KLF12: variants seen among roughly 807,000 people sequenced by gnomAD.
KLF12 encodes the protein Krueppel-like factor 12.
KLF12 carries 9 observed loss-of-function variants against 37.8 expected under a neutral mutation model. The observed-to-expected ratio is 0.24, with a 90% confidence interval of 0.14 to 0.42. The LOEUF (loss-of-function observed/expected upper bound fraction) is 0.42, where lower values mean the gene tolerates loss of function less well. Among genes scored for constraint, KLF12 ranks in the 10% least tolerant of loss-of-function variants. The pLI, the probability that KLF12 is intolerant of heterozygous loss-of-function variation, is 1.00. For missense variants in KLF12, 411 were observed against 516.0 expected (o/e 0.80, Z 1.97); for synonymous variants, 208 against 202.1 (o/e 1.03, Z -0.25).
At chr13:74,058,481 G>A (rs1175281312) in intron 1 of KLF12, among the ~76,000 whole-genome samples, 5 of 146,974 alleles carry the variant, frequency 3.4e-5, no homozygotes, top group East Asian at 2.1e-4. Context: ...TCAGCCTCCC[G>A]AGTAGCTGGG....
At chr13:74,125,145 A>AAAAT (rs1877862151) in intron 1 of KLF12, among the ~76,000 whole-genome samples, 1 of 10,826 alleles carries the variant, frequency 9.2e-5, no homozygotes, top group East Asian at 0.038. Context: ...ACTCCGTTTC[A>AAAAT]AAAAAAAAAA....
chr13:73,909,871 C>A (rs1179933572), intron 3 of KLF12, among the ~76,000 whole-genome samples: 6 of 152,122 alleles, frequency 3.9e-5, no homozygotes, highest in Non-Finnish European at 7.4e-5. Flanking sequence ...ATCTACTATT[C>A]CAAGAATCCT....
intron 2 of KLF12, among the ~76,000 whole-genome samples, chr13:73,989,279 ACTGGGAG>A (rs1205908918): frequency 6.6e-6 from 1 of 152,246 alleles, no homozygotes; most frequent in Non-Finnish European, 1.5e-5. Context: ...GTGAGAGGCA[ACTGGGAG>A]CTGACAAACA....
chr13:74,214,545 C>T, the KLF12 span, among the ~76,000 whole-genome samples: 5 of 152,072 alleles, frequency 3.3e-5, no homozygotes, highest in Non-Finnish European at 5.9e-5. Flanking sequence ...AGAATTTTAG[C>T]GTGAATAAAA....
intron 5 of KLF12, among the ~76,000 whole-genome samples, chr13:73,785,409 T>C (rs1881277715): frequency 6.6e-6 from 1 of 152,138 alleles, no homozygotes; most frequent in Non-Finnish European, 1.5e-5. Context: ...CCACAAAGCC[T>C]CGCCCATTTT....
the KLF12 span, among the ~76,000 whole-genome samples, chr13:74,229,125 A>G: frequency 6.6e-6 from 1 of 152,164 alleles, no homozygotes; most frequent in Non-Finnish European, 1.5e-5. Context: ...GTGAGTTGGG[A>G]TAGTACTGGA....
intron 5 of KLF12, among the ~76,000 whole-genome samples, chr13:73,773,074 A>G (rs960475258): frequency 8.5e-5 from 13 of 152,194 alleles, no homozygotes; most frequent in African/African-American, 3.1e-4. Flanking sequence ...TGGATTAAAA[A>G]AGAATACAAG....
chr13:74,291,027 A>AT, the KLF12 span, among the ~76,000 whole-genome samples: 6 of 152,156 alleles, frequency 3.9e-5, no homozygotes, highest in Admixed American at 1.3e-4. Flanking sequence ...TACAACAACA[A>AT]TTTTTTGCCC....
Position 73,826,013 on chromosome 13 carries a change from C to T in KLF12, c.671-12726G>A, listed in dbSNP as rs189331967. Reference sequence around the variant, plus strand: ...TTTGAGATGGAGTCTCGCTCTGTTGCCCAGGCTGGAGTGCATTGGGACGAT... The same window carrying T: ...TTTGAGATGGAGTCTCGCTCTGTTGTCCAGGCTGGAGTGCATTGGGACGAT... On this transcript the variant is annotated intron_variant, in intron 4 of 7. Coordinates refer to ENST00000377669, the MANE Select transcript of KLF12 (RefSeq NM_007249.5). Among the ~76,000 whole-genome samples, 367 of 151,968 alleles carry T rather than the reference C, an allele frequency of 2.4e-3. 3 individuals carry two copies. The highest frequency in any genetic ancestry group is 8.2e-3 in the African/African-American group (338 of 41,452).
the KLF12 span, among the ~76,000 whole-genome samples, chr13:74,280,062 C>T: frequency 6.6e-6 from 1 of 152,140 alleles, no homozygotes; most frequent in Admixed American, 6.5e-5. Flanking sequence ...CTTAGGGTTG[C>T]AAATGGGCTT....
At chr13:74,049,140 A>T (rs2138584857) in intron 1 of KLF12, among the ~76,000 whole-genome samples, 1 of 152,334 alleles carries the variant, frequency 6.6e-6, no homozygotes, top group Admixed American at 6.5e-5. Flanking sequence ...GAAGTCTAGC[A>T]GTTTATTGCT....
intron 3 of KLF12, among the ~76,000 whole-genome samples, chr13:73,918,193 C>A (rs1888938163): frequency 6.6e-6 from 1 of 152,144 alleles, no homozygotes. Flanking sequence ...AAGGAACCAG[C>A]TCAAAAGGGA....
At chr13:74,145,146 C>T in the KLF12 span, among the ~76,000 whole-genome samples, 1 of 152,030 alleles carries the variant, frequency 6.6e-6, no homozygotes. Flanking sequence ...TGGTACTGTC[C>T]TGCTGACCAC....
intron 1 of KLF12, among the ~76,000 whole-genome samples, chr13:74,037,665 A>C (rs1180420425): frequency 6.6e-6 from 1 of 152,298 alleles, no homozygotes; most frequent in Admixed American, 6.5e-5. Context: ...TGTGGTCTCT[A>C]AGTTCTGATT....
At chr13:74,070,400 G>A (rs1236812878) in intron 1 of KLF12, among the ~76,000 whole-genome samples, 1 of 152,218 alleles carries the variant, frequency 6.6e-6, no homozygotes, top group African/African-American at 2.4e-5. Flanking sequence ...ACTATGAAGT[G>A]GGGACAAGCT....
At chr13:74,061,831 G>A (rs1873612020) in intron 1 of KLF12, among the ~76,000 whole-genome samples, 1 of 152,124 alleles carries the variant, frequency 6.6e-6, no homozygotes, top group Non-Finnish European at 1.5e-5. Flanking sequence ...ATACCTTGAC[G>A]TTATATGATA....
intron 6 of KLF12, among the ~76,000 whole-genome samples, chr13:73,717,478 T>G (rs1283084406): frequency 6.6e-6 from 1 of 152,208 alleles, no homozygotes; most frequent in Non-Finnish European, 1.5e-5. Context: ...ATTGCTCCAG[T>G]GAATTTTTTC....
intron 6 of KLF12, among the ~76,000 whole-genome samples, chr13:73,744,765 G>T (rs1355383511): frequency 6.6e-5 from 10 of 152,138 alleles, no homozygotes; most frequent in Non-Finnish European, 1.2e-4. Context: ...ATCAGGACAT[G>T]AAAAAATAAA....
chr13:74,115,563 G>A (rs1462862110), intron 1 of KLF12, among the ~76,000 whole-genome samples: 1 of 152,136 alleles, frequency 6.6e-6, no homozygotes, highest in Non-Finnish European at 1.5e-5. Context: ...AAATTAGCCA[G>A]GCGTGATGGC....
Sources: gnomAD v4.1 joint callset for allele counts (sites outside exome capture counted in the v4.1 genomes callset) on GRCh38, gnomAD v4.1.1 for gene constraint, MANE v1.5 for transcripts, NCBI Gene and HGNC (gene_info 2026-07-23, HGNC 2026-07-21) for gene names.